The following CHD5 variants were observed in gnomAD, a reference collection of about 807,000 sequenced individuals.
CHD5 encodes the protein ATP-dependent chromatin remodeler CHD5.
CHD5 carries 69 observed loss-of-function variants against 230.3 expected under a neutral mutation model. The ratio of observed to expected loss-of-function variants is 0.30; its 90% CI spans 0.25 to 0.37. The LOEUF (loss-of-function observed/expected upper bound fraction) is 0.37, where lower values mean the gene tolerates loss of function less well. Ranked by LOEUF, CHD5 falls within the 10% of genes least tolerant of loss-of-function variation. The pLI is 1.00. For synonymous variants in CHD5, 1,064 were observed against 1,065.9 expected (o/e 1.00, Z 0.03); for missense variants, 1,827 against 2,622.8 (o/e 0.70, Z 6.63).
intron 17 of CHD5, among the ~76,000 whole-genome samples, chr1:6,135,906 A>T (rs1666738629): frequency 1.3e-5 from 2 of 152,146 alleles, no homozygotes; most frequent in Admixed American, 1.3e-4. Context: ...GCTACTCAGG[A>T]GGCTGAGGCA....
chr1:6,148,079 A>T (rs896690632), intron 9 of CHD5, among the ~76,000 whole-genome samples: 5 of 152,112 alleles, frequency 3.3e-5, no homozygotes, highest in African/African-American at 1.2e-4. Flanking sequence ...CCTGGCCCCT[A>T]CACAGACACA....
At chr1:6,136,487 C>T in intron 17 of CHD5, 30 bp downstream of exon 17, 3 of 1,609,024 alleles carry the variant, frequency 1.9e-6, no homozygotes, top group Middle Eastern at 2.0e-4. Flanking sequence ...GCCCCACCAC[C>T]ACCTCCCTAG....
intron 2 of CHD5, among the ~76,000 whole-genome samples, chr1:6,159,913 T>C (rs970714115): frequency 6.6e-6 from 1 of 152,212 alleles, no homozygotes; most frequent in Non-Finnish European, 1.5e-5. Context: ...TAGTTTTACA[T>C]GATGAGGCAT....
rs1270830495 is a variant in CHD5 at position 6,121,972 on chromosome 1, G to A, written c.4700-399C>T. 1.3e-5 allele frequency among the ~76,000 whole-genome samples: 2 copies of A among 152,336 alleles called. No homozygotes were observed. The highest frequency in any genetic ancestry group is 3.9e-4 in the East Asian group (2 of 5,188). Reference sequence around the variant, plus strand: ...AGGGGGTGAATTTCCTCCCTGCCAAGCCAGCCGCCAACACACTGCAAAGTG... The same window carrying A: ...AGGGGGTGAATTTCCTCCCTGCCAAACCAGCCGCCAACACACTGCAAAGTG... On this transcript the variant is annotated intron_variant, in intron 31 of 41. Coordinates refer to ENST00000262450, the MANE Select transcript of CHD5 (RefSeq NM_015557.3). The surrounding 1 kb of genome is among the most constrained non-coding windows in gnomAD (Gnocchi z 4.5).
intron 6 of CHD5, among the ~76,000 whole-genome samples, chr1:6,151,654 A>G (rs980814302): frequency 1.3e-5 from 2 of 152,224 alleles, no homozygotes; most frequent in African/African-American, 2.4e-5. Flanking sequence ...GGCCTGGTAC[A>G]CAGTATGTGC....
At chr1:6,107,548 T>TGCTG (rs1454426903) in intron 38 of CHD5, among the ~76,000 whole-genome samples, 1 of 112,480 alleles carries the variant, frequency 8.9e-6, no homozygotes, top group African/African-American at 3.3e-5. Flanking sequence ...GATGGAGGGA[T>TGCTG]AATGAAGGGA....
In CHD5 at chr1:6,142,930, G is replaced by C. The variant is rs1050326826; in HGVS notation, c.2044-325C>G. Among the ~76,000 whole-genome samples, 4 of 152,162 alleles carry C rather than the reference G, an allele frequency of 2.6e-5. No individual in the cohort carries two copies. The highest frequency in any genetic ancestry group is 4.4e-5 in the Non-Finnish European group (3 of 68,040). ...TTGGTCCTGTTCACTGCCTCCTCTT[G>C]AGTACCACACAGTGCCTGGGACATG... On this transcript the variant is annotated intron_variant, in intron 13 of 41. Transcript: ENST00000262450. The surrounding 1 kb of genome is among the most constrained non-coding windows in gnomAD (Gnocchi z 5.2).
chr1:6,153,782 GA>G (rs1456469566), intron 5 of CHD5, among the ~76,000 whole-genome samples: 3 of 152,160 alleles, frequency 2.0e-5, no homozygotes, highest in Non-Finnish European at 4.4e-5. Flanking sequence ...AGTGTGCAGA[GA>G]TCGTGCCACT....
chr1:6,159,001 C>A (rs1479480601), intron 3 of CHD5, among the ~76,000 whole-genome samples: 26 of 92,996 alleles, frequency 2.8e-4, no homozygotes, highest in African/African-American at 1.2e-3. Flanking sequence ...AGCGAGACTC[C>A]GTCTCAAAAA....
chr1:6,148,129 G>A (rs531200079), intron 9 of CHD5, among the ~76,000 whole-genome samples: 1 of 152,242 alleles, frequency 6.6e-6, no homozygotes, highest in South Asian at 2.1e-4. Flanking sequence ...ACATACACAC[G>A]CACAATGCAC....
chr1:6,142,599 C>A lies in CHD5; in HGVS notation c.2050G>T (p.Val684Phe). The A allele has an allele frequency of 1.2e-6, 2 of 1,610,752 alleles. No individual in the cohort carries two copies. The highest frequency in any genetic ancestry group is 1.8e-4 in the Middle Eastern group (1 of 5,496). The change falls in exon 14 of 42, where the codon GTC becomes TTC. Residue 684 changes from valine to phenylalanine, a missense_variant. Around this residue, in one of 14 missense-constraint regions of CHD5, gnomAD observed 657 missense variants for 816.4 expected, o/e 0.80. Transcript: ENST00000262450. This position sits in a 1 kb window ranked among gnomAD's most constrained non-coding sequence, Gnocchi z 5.2. Reference sequence around the variant, plus strand: ...TACCATGGCTGCTTGTCGAACTTGACCGTGGGCTGCAGGGGAGGCAGCGGT... The same window carrying A: ...TACCATGGCTGCTTGTCGAACTTGAACGTGGGCTGCAGGGGAGGCAGCGGT... ...PPDTPIVDPT[V>F]KFDKQPWYID...
At chr1:6,133,431 G>A (rs764963688) in intron 20 of CHD5, among the ~76,000 whole-genome samples, 1 of 152,250 alleles carries the variant, frequency 6.6e-6, no homozygotes, top group Non-Finnish European at 1.5e-5. Flanking sequence ...GTTGATGTTT[G>A]TGCACAAGGA....
rs765301564 is a variant in CHD5 at position 6,146,170 on chromosome 1, C to T, written c.1802+42G>A. The stretch of plus-strand genomic sequence containing the variant: ...ACAGGGCAAAGAAGCTGACGTGGCC[C>T]GGCCCCAGCGATGGGCAGGGTGGCC... On this transcript the variant is annotated intron_variant, in intron 11 of 41. Transcript: ENST00000262450. This position sits in a 1 kb window ranked among gnomAD's most constrained non-coding sequence, Gnocchi z 5.1. 12 of 1,596,414 alleles carry T rather than the reference C, an allele frequency of 7.5e-6. No homozygotes were observed. The highest frequency in any genetic ancestry group is 1.7e-5 in the Admixed American group (1 of 59,772).
intron 2 of CHD5, among the ~76,000 whole-genome samples, chr1:6,165,541 C>T (rs1451995347): frequency 6.6e-6 from 1 of 152,070 alleles, no homozygotes; most frequent in Admixed American, 6.5e-5. Context: ...GTCCTAAAAT[C>T]CACATCACCC....
rs1007157188 is a variant in CHD5, at chr1:6,131,611, C to G, written c.3262+20G>C. ...CCAAAAAGGAGTCTCAATCAGAACCCTTGGGCAGGATGGGGGTACCATTGA... is the reference window on the plus strand; with the variant it reads ...CCAAAAAGGAGTCTCAATCAGAACCGTTGGGCAGGATGGGGGTACCATTGA... On this transcript the variant is annotated intron_variant, in intron 21 of 41. Transcript: ENST00000262450. The surrounding 1 kb of genome is among the most constrained non-coding windows in gnomAD (Gnocchi z 5.0). 2.0e-6 allele frequency: 3 copies of G among 1,463,996 alleles called. No homozygotes were observed. Among genetic ancestry groups the G allele is most frequent in the Non-Finnish European group, 2.9e-6 (3 of 1,044,118 alleles). 90.7% of individuals were successfully genotyped at this position (1,463,996 alleles called of 1,614,324 possible).
At chr1:6,119,696 C>T (rs780615693) in intron 33 of CHD5, among the ~76,000 whole-genome samples, 2 of 150,692 alleles carry the variant, frequency 1.3e-5, no homozygotes, top group Non-Finnish European at 2.9e-5. Context: ...TGACCTAATG[C>T]GCATATATAT....
chr1:6,124,577 C>T lies in CHD5; in HGVS notation c.4479G>A (p.Glu1493=), dbSNP rs768520384. ...AETFADGVPR[E]GLSRQHVLTR... ...TCAGCACGTGCTGCCTGGAGAGGCCCTCCCGGGGCACGCCGTCTGCGAAGG... is the reference window on the plus strand; with the variant it reads ...TCAGCACGTGCTGCCTGGAGAGGCCTTCCCGGGGCACGCCGTCTGCGAAGG... The change falls in exon 30 of 42, where the codon GAG becomes GAA. Residue 1493 remains glutamate, a synonymous_variant. Transcript: ENST00000262450. 2 of 1,613,628 alleles carry T rather than the reference C, an allele frequency of 1.2e-6. No individual in the cohort carries two copies. Among genetic ancestry groups the T allele is most frequent in the East Asian group, 4.5e-5 (2 of 44,860 alleles).
At chr1:6,144,298 C>T in intron 11 of CHD5, 143 bp from the exon 12 acceptor site, 1 of 1,140,594 alleles carries the variant, frequency 8.8e-7, no homozygotes, top group South Asian at 1.4e-5. Flanking sequence ...GAGACGAGGG[C>T]AGAAGCTCCA....
In CHD5 at chr1:6,167,953, A is replaced by G. The variant is rs1667280666; in HGVS notation, c.207+197T>C. 6.6e-6 allele frequency among the ~76,000 whole-genome samples: 1 copy of G among 152,202 alleles called. No individual in the cohort carries two copies. The highest frequency in any genetic ancestry group is 1.5e-5 in the Non-Finnish European group (1 of 68,040). ...CGACATCCTGCTCCGGAAACAGGAC[A>G]GCTCAGCAACGTCTTAAAAAGGCTT... On this transcript the variant is annotated intron_variant, in intron 2 of 41. Coordinates refer to ENST00000262450, the MANE Select transcript of CHD5 (RefSeq NM_015557.3). This position sits in a 1 kb window ranked among gnomAD's most constrained non-coding sequence, Gnocchi z 4.5.
Sources: allele counts gnomAD v4.1 joint callset (sites outside exome capture counted in the v4.1 genomes callset), GRCh38; gene constraint gnomAD v4.1.1; regional missense constraint gnomAD v4.1.1; non-coding constraint Gnocchi (gnomAD v3.1); transcripts MANE v1.5; gene names NCBI Gene and HGNC (gene_info 2026-07-23, HGNC 2026-07-21).